Variants in TBX15 observed in about 807,000 individuals in gnomAD.
TBX15 encodes the protein T-box transcription factor TBX15.
Under a neutral mutation model 53.9 loss-of-function variants are expected in TBX15, and 18 were observed. The observed-to-expected ratio is 0.33, with a 90% CI of 0.23 to 0.49. The LOEUF (loss-of-function observed/expected upper bound fraction) is 0.49, where lower values mean the gene tolerates loss of function less well. Ranked by LOEUF, TBX15 falls within the 20% of genes least tolerant of loss-of-function variation. The pLI is 0.98. For synonymous variants in TBX15, 295 were observed against 278.0 expected (o/e 1.06, Z -0.61); for missense variants, 692 against 749.5 (o/e 0.92, Z 0.90).
intron 1 of TBX15, among the ~76,000 whole-genome samples, chr1:118,986,656 G>T (rs887287726): frequency 6.6e-6 from 1 of 152,172 alleles, no homozygotes; most frequent in African/African-American, 2.4e-5. Flanking sequence ...GTGAAGCGGG[G>T]TCTACTCCCC....
chr1:118,885,896 A>T (rs1653926955), intron 7 of TBX15, among the ~76,000 whole-genome samples: 1 of 152,222 alleles, frequency 6.6e-6, no homozygotes, highest in African/African-American at 2.4e-5. Flanking sequence ...GTCAGCATTA[A>T]AATCCACTAG....
rs761725095 is a variant in TBX15 at position 118,923,623 on chromosome 1, T to C, written c.694-20A>G. On this transcript the variant is annotated intron_variant, in intron 4 of 7. Coordinates refer to ENST00000369429, the MANE Select transcript of TBX15 (RefSeq NM_001330677.2). ...AATGATCTGAAATAAAAAGGGGAATTGTACCAGGCTTGGCTTTAAGGAACC... is the reference window on the plus strand; with the variant it reads ...AATGATCTGAAATAAAAAGGGGAATCGTACCAGGCTTGGCTTTAAGGAACC... The C allele has an allele frequency of 6.2e-7, 1 of 1,613,812 alleles. No individual in the cohort carries two copies. Among genetic ancestry groups the C allele is most frequent in the Non-Finnish European group, 8.5e-7 (1 of 1,179,784 alleles).
intron 6 of TBX15, among the ~76,000 whole-genome samples, chr1:118,903,262 C>G (rs1414326309): frequency 6.6e-6 from 1 of 152,094 alleles, no homozygotes. Flanking sequence ...GAAGAGAAAG[C>G]AAGCCAAGGA....
Position 118,899,099 on chromosome 1 carries a change from G to T in TBX15, c.953C>A (p.Thr318Lys), listed in dbSNP as rs142267114. The T allele has an allele frequency of 3.8e-4, 621 of 1,613,650 alleles. 1 individual carries two copies. Among genetic ancestry groups the T allele is most frequent in the Non-Finnish European group, 4.9e-4 (578 of 1,179,698 alleles). ...NRTGLEAIME[T>K]YAFWRPPVRT... Reference sequence around the variant, plus strand: ...CACAGGAGGTCTCCAGAATGCATATGTCTCCATGATGGCTTCAAGTCCAGT... The same window carrying T: ...CACAGGAGGTCTCCAGAATGCATATTTCTCCATGATGGCTTCAAGTCCAGT... Residue 318 changes from threonine to lysine, a missense_variant, in exon 7 of 8, where the codon ACA becomes AAA. This residue lies in a region of TBX15 where 375 missense variants were observed against 371.6 expected (regional missense o/e 1.01). Transcript: ENST00000369429.
In TBX15 at chr1:118,988,105, C is replaced by T. The variant is rs895345297; in HGVS notation, c.-310G>A. 1 of 454,302 alleles carries T rather than the reference C, an allele frequency of 2.2e-6. No individual in the cohort carries two copies. The highest frequency in any genetic ancestry group is 3.9e-6 in the Non-Finnish European group (1 of 256,624). The allele number at this position is 454,302 out of a possible 1,614,324, so 28.1% of individuals were successfully genotyped here. On this transcript the variant is annotated 5_prime_UTR_variant, in exon 1 of 8. Coordinates refer to ENST00000369429, the MANE Select transcript of TBX15 (RefSeq NM_001330677.2). ...GGGGCAGGCGCTCACAGACTGTGTCCACTGAACTTCATCTTGTTTTTGTTA... is the reference window on the plus strand; with the variant it reads ...GGGGCAGGCGCTCACAGACTGTGTCTACTGAACTTCATCTTGTTTTTGTTA...
chr1:118,954,908 C>T (rs1052484795), intron 1 of TBX15, among the ~76,000 whole-genome samples: 3 of 152,158 alleles, frequency 2.0e-5, no homozygotes, highest in Non-Finnish European at 4.4e-5. Context: ...CCTATCCCCA[C>T]CATAAAGAGG....
At chr1:118,966,431 C>T (rs1052971864) in intron 1 of TBX15, among the ~76,000 whole-genome samples, 2 of 152,216 alleles carry the variant, frequency 1.3e-5, no homozygotes, top group Non-Finnish European at 2.9e-5. Flanking sequence ...CCCTCTATAT[C>T]ACTACTGTGT....
chr1:118,898,888 A>G, intron 7 of TBX15, 140 bp downstream of exon 7: 1 of 850,058 alleles, frequency 1.2e-6, no homozygotes, highest in Non-Finnish European at 1.9e-6. Context: ...GGTTATTTAC[A>G]GAGCTCCTGA....
intron 1 of TBX15, among the ~76,000 whole-genome samples, chr1:118,978,475 T>C (rs1031940430): frequency 1.3e-5 from 2 of 152,232 alleles, no homozygotes; most frequent in Admixed American, 6.5e-5. Context: ...AATGAGGCAC[T>C]GAGGCCTCAT....
intron 3 of TBX15, 97 bp downstream of exon 3, chr1:118,926,413 C>T: frequency 9.5e-7 from 1 of 1,054,030 alleles, no homozygotes; most frequent in Non-Finnish European, 1.4e-6. Context: ...GTTCTCTGTA[C>T]AGCATGCATT....
At chr1:118,948,979 T>C (rs984226709) in intron 1 of TBX15, among the ~76,000 whole-genome samples, 3 of 152,228 alleles carry the variant, frequency 2.0e-5, no homozygotes, top group Admixed American at 1.3e-4. Flanking sequence ...TGAGTCAGTG[T>C]GGACCAGGAT....
Position 118,911,307 on chromosome 1 carries a change from G to T in TBX15, c.926+2808C>A, listed in dbSNP as rs943871934. On this transcript the variant is annotated intron_variant, in intron 6 of 7. Transcript: ENST00000369429. ...AAAATTTCTGATAGTACTTAAAGTA[G>T]CCCTCAGATTTTGATGGAACATAAT... Among the ~76,000 whole-genome samples the T allele has an allele frequency of 6.0e-4, 91 of 152,194 alleles. 1 individual carries two copies. Among genetic ancestry groups the T allele is most frequent in the African/African-American group, 2.1e-3 (88 of 41,460 alleles).
chr1:118,944,586 T>TG (rs1656285357), intron 1 of TBX15, among the ~76,000 whole-genome samples: 4 of 152,200 alleles, frequency 2.6e-5, no homozygotes, highest in Non-Finnish European at 5.9e-5. Flanking sequence ...GTTGAGTGTC[T>TG]GTTGCCTTCT....
chr1:118,981,321 C>G lies in TBX15; in HGVS notation c.205+6270G>C, dbSNP rs192043716. 6.3e-4 allele frequency among the ~76,000 whole-genome samples: 96 copies of G among 151,950 alleles called. 1 individual carries two copies. The highest frequency in any genetic ancestry group is 2.3e-3 in the African/African-American group (94 of 41,432). ...AACTAGCTACACACACACACACACA[C>G]ACACACACACACACACACAATGGCA... On this transcript the variant is annotated intron_variant, in intron 1 of 7. Coordinates refer to ENST00000369429, the MANE Select transcript of TBX15 (RefSeq NM_001330677.2).
chr1:118,900,500 C>A (rs1035861341), intron 6 of TBX15, among the ~76,000 whole-genome samples: 1 of 152,152 alleles, frequency 6.6e-6, no homozygotes, highest in African/African-American at 2.4e-5. Flanking sequence ...TCTGAACAGG[C>A]CTCACTTGCA....
chr1:118,978,006 C>T (rs1338178939), intron 1 of TBX15, among the ~76,000 whole-genome samples: 1 of 152,150 alleles, frequency 6.6e-6, no homozygotes, highest in Admixed American at 6.5e-5. Context: ...CAGAGTTTTT[C>T]CAGTTATTTC....
intron 6 of TBX15, among the ~76,000 whole-genome samples, chr1:118,905,016 T>C (rs1249066391): frequency 1.3e-5 from 2 of 152,056 alleles, no homozygotes; most frequent in Admixed American, 6.6e-5. Flanking sequence ...ACAAAATGTA[T>C]CAAAAAAAGA....
intron 1 of TBX15, among the ~76,000 whole-genome samples, chr1:118,942,765 T>A (rs1172915491): frequency 1.3e-5 from 2 of 152,100 alleles, no homozygotes; most frequent in African/African-American, 4.8e-5. Context: ...ATACTAACTC[T>A]CCTCCACATT....
At chr1:118,893,354 AAG>A (rs1654238179) in intron 7 of TBX15, among the ~76,000 whole-genome samples, 2 of 80,796 alleles carry the variant, frequency 2.5e-5, no homozygotes, top group African/African-American at 1.3e-4. Flanking sequence ...GGAAGGAAGG[AAG>A]GAAAGAAAGA....
Sources: gnomAD v4.1 joint callset for allele counts (sites outside exome capture counted in the v4.1 genomes callset) on GRCh38, gnomAD v4.1.1 for gene constraint, gnomAD v4.1.1 regional missense constraint, MANE v1.5 for transcripts, NCBI Gene and HGNC (gene_info 2026-07-23, HGNC 2026-07-21) for gene names.